Variants in H2AP observed in about 807,000 individuals in gnomAD.
The protein encoded by H2AP is huntingtin-interacting protein M.
For missense variants in H2AP, 108 were observed against 97.4 expected (o/e 1.11, Z -0.46); for synonymous variants, 36 against 35.2 (o/e 1.02, Z -0.08).
Position 37,991,251 on chromosome X carries a change from G to A in H2AP, c.*58G>A, listed in dbSNP as rs574988941. ...ACAGGCTTAGCCAGGGCAAAAATGTGTCACAGCTGAGGAATATCTGCTGTT... is the reference window on the plus strand; with the variant it reads ...ACAGGCTTAGCCAGGGCAAAAATGTATCACAGCTGAGGAATATCTGCTGTT... On this transcript the variant is annotated 3_prime_UTR_variant, in exon 1 of 1. Coordinates refer to ENST00000341016, the MANE Select transcript of H2AP (RefSeq NM_012274.2). The A allele has an allele frequency of 3.1e-5, 36 of 1,154,642 alleles. No individual in the cohort carries two copies. The South Asian group carries it at 5.5e-4, about 18-fold the overall frequency.
rs768230320 is a variant in H2AP, at chrX:37,991,135, A to T, written c.296A>T (p.Glu99Val). The change falls in exon 1 of 1, where the codon GAG (glutamate) becomes GTG (valine). Residue 99 changes from glutamate to valine, a missense_variant. Coordinates refer to ENST00000341016, the MANE Select transcript of H2AP (RefSeq NM_012274.2). ...VDNNREPHSA[E>V]SDVTRFLFDE... Reference sequence around the variant, plus strand: ...AACAACCGTGAGCCCCACAGCGCTGAGAGTGATGTGACTCGCTTTTTGTTT... The same window carrying T: ...AACAACCGTGAGCCCCACAGCGCTGTGAGTGATGTGACTCGCTTTTTGTTT... The T allele has an allele frequency of 1.7e-5, 20 of 1,209,482 alleles. No homozygotes were observed. Among genetic ancestry groups the T allele is most frequent in the Admixed American group, 2.2e-5 (1 of 45,703 alleles).
chrX:37,991,246 A>T lies in H2AP; in HGVS notation c.*53A>T, dbSNP rs1933567138. Reference sequence around the variant, plus strand: ...ACCTCACAGGCTTAGCCAGGGCAAAAATGTGTCACAGCTGAGGAATATCTG... The same window carrying T: ...ACCTCACAGGCTTAGCCAGGGCAAATATGTGTCACAGCTGAGGAATATCTG... On this transcript the variant is annotated 3_prime_UTR_variant, in exon 1 of 1. Coordinates refer to ENST00000341016, the MANE Select transcript of H2AP (RefSeq NM_012274.2). 1 of 1,159,591 alleles carries T rather than the reference A, an allele frequency of 8.6e-7. No homozygotes were observed. Among genetic ancestry groups the T allele is most frequent in the South Asian group, 2.0e-5 (1 of 49,705 alleles).
chrX:37,991,272 CT>C lies in H2AP; in HGVS notation c.*80del. ...ATGTGTCACAGCTGAGGAATATCTG[CT>C]GTTGTCATCAACAAGTGCTATTAAA... On this transcript the variant is annotated 3_prime_UTR_variant, in exon 1 of 1. Transcript: ENST00000341016. 1 of 1,125,074 alleles carries C rather than the reference CT, an allele frequency of 8.9e-7. No individual in the cohort carries two copies. Among genetic ancestry groups the C allele is most frequent in the Non-Finnish European group, 1.2e-6 (1 of 850,115 alleles). The allele number at this position is 1,125,074 out of a possible 1,213,427, so 92.7% of individuals were successfully genotyped here. A position where few individuals can be genotyped will look rare whatever the true frequency, so the allele number is the denominator to read the frequency against.
rs61737320 is a variant in H2AP, at chrX:37,990,858, T to G, written c.19T>G (p.Cys7Gly). The change falls in exon 1 of 1, where the codon TGT (cysteine) becomes GGT (glycine). Residue 7 changes from cysteine to glycine, a missense_variant. Coordinates refer to ENST00000341016, the MANE Select transcript of H2AP (RefSeq NM_012274.2). MSEKKN[C>G]KNSSTNNNQT... ...AAACATCATGTCAGAGAAAAAGAAC[T>G]GTAAGAACTCGTCTACAAATAACAA... is the stretch of plus-strand genomic sequence containing the variant. The G allele has an allele frequency of 6.2e-4, 745 of 1,202,373 alleles. 6 individuals carry two copies. The African/African-American group carries it at 0.012, about 19-fold the overall frequency.
In H2AP at chrX:37,991,104, G is replaced by A; in HGVS notation, c.265G>A (p.Val89Met). Residue 89 changes from valine to methionine, a missense_variant, in exon 1 of 1, where the codon GTG (valine) becomes ATG (methionine). By Grantham distance (21) the Val-to-Met change is conservative. Transcript: ENST00000341016. ...RNTSQDRERE[V>M]DNNREPHSAE... ...CACTTCACAAGATAGGGAGAGAGAAGTGGACAACAACCGTGAGCCCCACAG... is the reference window on the plus strand; with the variant it reads ...CACTTCACAAGATAGGGAGAGAGAAATGGACAACAACCGTGAGCCCCACAG... 1 of 1,211,736 alleles carries A rather than the reference G, an allele frequency of 8.3e-7. No individual in the cohort carries two copies. Among genetic ancestry groups the A allele is most frequent in the Non-Finnish European group, 1.1e-6 (1 of 895,544 alleles).
rs200482516 is a variant in H2AP, at chrX:37,990,975, A to G, written c.136A>G (p.Ser46Gly). The change falls in exon 1 of 1, where the codon AGT becomes GGT. Residue 46 changes from serine to glycine, a missense_variant. Coordinates refer to ENST00000341016, the MANE Select transcript of H2AP (RefSeq NM_012274.2). ...AGATGAACGAGACGTCCAAAGCCAG[A>G]GTTCCTCCACAATAAATACCCTCCT... is the stretch of plus-strand genomic sequence containing the variant. The part of the protein sequence containing the change: ...VQDERDVQSQ[S>G]SSTINTLLTL... 2.3e-5 allele frequency: 28 copies of G among 1,210,342 alleles called. No individual in the cohort carries two copies. The highest frequency in any genetic ancestry group is 3.0e-5 in the Non-Finnish European group (27 of 895,306).
Position 37,991,062 on chromosome X carries a change from A to G in H2AP, c.223A>G (p.Asn75Asp). 8.3e-7 allele frequency: 1 copy of G among 1,211,587 alleles called. No individual in the cohort carries two copies. Among genetic ancestry groups the G allele is most frequent in the Non-Finnish European group, 1.1e-6 (1 of 895,473 alleles). ...GCGGGTAGGCTTGGAGGCCAGCAAC[A>G]ATGGCAGTATGCGCAACACTTCACA... ...MERVGLEASN[N>D]GSMRNTSQDR... Residue 75 changes from asparagine (N) to aspartate (D), a missense_variant, in exon 1 of 1, where the codon AAT becomes GAT. Coordinates refer to ENST00000341016, the MANE Select transcript of H2AP (RefSeq NM_012274.2).
At position 37,990,810 on chromosome X, in the gene H2AP, A is replaced by C. The variant is rs779544797; in HGVS notation, c.-30A>C. 8.6e-7 allele frequency: 1 copy of C among 1,167,710 alleles called. No individual in the cohort carries two copies. Among genetic ancestry groups the C allele is most frequent in the Non-Finnish European group, 1.1e-6 (1 of 873,126 alleles). The stretch of plus-strand genomic sequence containing the variant: ...CTACTTGAGCTAGAGAATCAAGCAG[A>C]GCTGATGAGAGCCAAACCCAGCAAA... On this transcript the variant is annotated 5_prime_UTR_variant, in exon 1 of 1. Coordinates refer to ENST00000341016, the MANE Select transcript of H2AP (RefSeq NM_012274.2).
Position 37,990,908 on chromosome X carries a change from TGAGCTACAGGTCCCTAG to T in H2AP, c.75_91del (p.Gln26ArgfsTer8). 8.3e-7 allele frequency: 1 copy of T among 1,211,342 alleles called. No homozygotes were observed. Among genetic ancestry groups the T allele is most frequent in the Non-Finnish European group, 1.1e-6 (1 of 895,293 alleles). On this transcript the variant is annotated frameshift_variant, in exon 1 of 1. Transcript: ENST00000341016. LOFTEE classifies it low-confidence loss of function (END_TRUNC). ...ACCAGACTCAAGACCCTTCTAGAAA[TGAGCTACAGGTCCCTAG>T]GAGCTTCGTGGACCGCGTTGTGCAA... is the stretch of plus-strand genomic sequence containing the variant.
In H2AP at chrX:37,990,781, A is replaced by G; in HGVS notation, c.-59A>G. The G allele has an allele frequency of 8.8e-7, 1 of 1,140,706 alleles. No homozygotes were observed. Among genetic ancestry groups the G allele is most frequent in the Non-Finnish European group, 1.2e-6 (1 of 859,635 alleles). 94.0% of individuals were successfully genotyped at this position (1,140,706 alleles called of 1,213,427 possible). On this transcript the variant is annotated 5_prime_UTR_variant, in exon 1 of 1. Transcript: ENST00000341016. ...CAGGACTAAGCACTAGTGTCCTCAG[A>G]GACCTACTTGAGCTAGAGAATCAAG... is the stretch of plus-strand genomic sequence containing the variant.
chrX:37,990,965 C>T lies in H2AP; in HGVS notation c.126C>T (p.Val42=). The T allele has an allele frequency of 8.3e-7, 1 of 1,211,941 alleles. No homozygotes were observed. The highest frequency in any genetic ancestry group is 1.1e-6 in the Non-Finnish European group (1 of 895,523). Residue 42 remains valine (V), a synonymous_variant, in exon 1 of 1, where the codon GTC becomes GTT. Coordinates refer to ENST00000341016, the MANE Select transcript of H2AP (RefSeq NM_012274.2). ...VDRVVQDERD[V]QSQSSSTINT... is the part of the protein sequence containing the mutation. ...GCGTTGTGCAAGATGAACGAGACGTCCAAAGCCAGAGTTCCTCCACAATAA... is the reference window on the plus strand; with the variant it reads ...GCGTTGTGCAAGATGAACGAGACGTTCAAAGCCAGAGTTCCTCCACAATAA...
Position 37,990,819 on chromosome X carries a change from G to A in H2AP, c.-21G>A. ...CTAGAGAATCAAGCAGAGCTGATGAGAGCCAAACCCAGCAAACATCATGTC... is the reference window on the plus strand; with the variant it reads ...CTAGAGAATCAAGCAGAGCTGATGAAAGCCAAACCCAGCAAACATCATGTC... On this transcript the variant is annotated 5_prime_UTR_variant, in exon 1 of 1. Transcript: ENST00000341016. 1 of 1,176,700 alleles carries A rather than the reference G, an allele frequency of 8.5e-7. No homozygotes were observed. Among genetic ancestry groups the A allele is most frequent in the Non-Finnish European group, 1.1e-6 (1 of 877,660 alleles).
In H2AP at chrX:37,990,934, T is replaced by A. The variant is rs1933549212; in HGVS notation, c.95T>A (p.Val32Glu). 2 of 1,211,877 alleles carry A rather than the reference T, an allele frequency of 1.7e-6. No homozygotes were observed. Among genetic ancestry groups the A allele is most frequent in the African/African-American group, 3.5e-5 (2 of 57,804 alleles). The change falls in exon 1 of 1, where the codon GTG becomes GAG. Residue 32 changes from valine to glutamate, a missense_variant. Transcript: ENST00000341016. Reference sequence around the variant, plus strand: ...GAGCTACAGGTCCCTAGGAGCTTCGTGGACCGCGTTGTGCAAGATGAACGA... The same window carrying A: ...GAGCTACAGGTCCCTAGGAGCTTCGAGGACCGCGTTGTGCAAGATGAACGA... The part of the protein sequence containing the change: ...RNELQVPRSF[V>E]DRVVQDERDV...
rs865947190 is a variant in H2AP at position 37,990,915 on chromosome X, C to T, written c.76C>T (p.Gln26Ter). The T allele has an allele frequency of 8.3e-7, 1 of 1,210,008 alleles. No homozygotes were observed. The highest frequency in any genetic ancestry group is 1.7e-5 in the African/African-American group (1 of 57,156). Residue 26 changes from glutamine (Q) to a stop codon, truncating the protein, a stop_gained, in exon 1 of 1, where the codon CAG becomes TAG. Transcript: ENST00000341016. LOFTEE classifies it low-confidence loss of function (END_TRUNC). The stretch of plus-strand genomic sequence containing the variant: ...TCAAGACCCTTCTAGAAATGAGCTA[C>T]AGGTCCCTAGGAGCTTCGTGGACCG... ...QTQDPSRNEL[Q>*]VPRSFVDRVV...
At position 37,990,994 on chromosome X, in the gene H2AP, C is replaced by G; in HGVS notation, c.155C>G (p.Thr52Ser). The part of the protein sequence containing the change: ...VQSQSSSTIN[T>S]LLTLLDCLAD... ...AGCCAGAGTTCCTCCACAATAAATA[C>G]CCTCCTTACCTTGCTCGATTGCCTT... The change falls in exon 1 of 1, where the codon ACC becomes AGC. Residue 52 changes from threonine to serine, a missense_variant. By Grantham distance (58) the Thr-to-Ser change is moderately conservative (BLOSUM62 1). Transcript: ENST00000341016. The G allele has an allele frequency of 8.3e-7, 1 of 1,211,919 alleles. No individual in the cohort carries two copies. The highest frequency in any genetic ancestry group is 1.1e-6 in the Non-Finnish European group (1 of 895,569).
At position 37,991,071 on chromosome X, in the gene H2AP, ATG is replaced by A. The variant is rs778820341; in HGVS notation, c.233_234del (p.Met78ThrfsTer7). 2.9e-4 allele frequency: 348 copies of A among 1,209,051 alleles called. 2 individuals are homozygous for A. Among genetic ancestry groups the A allele is most frequent in the Non-Finnish European group, 1.7e-5 (15 of 894,617 alleles). ...CTTGGAGGCCAGCAACAATGGCAGT[ATG>A]CGCAACACTTCACAAGATAGGGAGA... ...VGLEASNNGS[M>X]RNTSQDRERE... On this transcript the variant is annotated frameshift_variant, in exon 1 of 1. Transcript: ENST00000341016. LOFTEE classifies it low-confidence loss of function (END_TRUNC).
At position 37,991,028 on chromosome X, in the gene H2AP, C is replaced by T; in HGVS notation, c.189C>T (p.Tyr63=). Residue 63 remains tyrosine, a synonymous_variant, in exon 1 of 1, where the codon TAC becomes TAT. Transcript: ENST00000341016. ...CCTTGCTCGATTGCCTTGCTGACTA[C>T]ATCATGGAGCGGGTAGGCTTGGAGG... ...LLTLLDCLAD[Y]IMERVGLEAS... 8.3e-7 allele frequency: 1 copy of T among 1,211,875 alleles called. No individual in the cohort carries two copies. Among genetic ancestry groups the T allele is most frequent in the Non-Finnish European group, 1.1e-6 (1 of 895,575 alleles).
chrX:37,991,107 GACA>G lies in H2AP; in HGVS notation c.274_276del (p.Asn92del), dbSNP rs1171935283. The G allele has an allele frequency of 8.3e-7, 1 of 1,209,462 alleles. No individual in the cohort carries two copies. Among genetic ancestry groups the G allele is most frequent in the African/African-American group, 1.8e-5 (1 of 56,912 alleles). On this transcript the variant is annotated inframe_deletion, in exon 1 of 1. Transcript: ENST00000341016. ...TTCACAAGATAGGGAGAGAGAAGTG[GACA>G]ACAACCGTGAGCCCCACAGCGCTGA... is the stretch of plus-strand genomic sequence containing the variant.
At position 37,990,937 on chromosome X, in the gene H2AP, A is replaced by G. The variant is rs2147216628; in HGVS notation, c.98A>G (p.Asp33Gly). ...NELQVPRSFV[D>G]RVVQDERDVQ... Reference sequence around the variant, plus strand: ...CTACAGGTCCCTAGGAGCTTCGTGGACCGCGTTGTGCAAGATGAACGAGAC... The same window carrying G: ...CTACAGGTCCCTAGGAGCTTCGTGGGCCGCGTTGTGCAAGATGAACGAGAC... Residue 33 changes from aspartate to glycine, a missense_variant, in exon 1 of 1, where the codon GAC (aspartate) becomes GGC (glycine). Asp to Gly is a moderately conservative substitution (Grantham distance 94). Transcript: ENST00000341016. 8.3e-7 allele frequency: 1 copy of G among 1,211,924 alleles called. No individual in the cohort carries two copies.
Sources: gnomAD v4.1 joint callset for allele counts on GRCh38, gnomAD v4.1.1 for gene constraint, MANE v1.5 for transcripts, NCBI Gene and HGNC (gene_info 2026-07-23, HGNC 2026-07-21) for gene names.